Variants in BSPRY observed in about 807,000 individuals in gnomAD.
BSPRY encodes the protein B box and SPRY domain-containing protein.
Under a neutral mutation model 38.0 loss-of-function variants are expected in BSPRY, and 33 were observed. The observed-to-expected ratio is 0.87, with a 90% CI of 0.66 to 1.16. The LOEUF (loss-of-function observed/expected upper bound fraction) is 1.16. BSPRY is among the 50% of genes most tolerant of loss of function. BSPRY has a pLI of 0.00. For missense variants in BSPRY, 523 were observed against 533.2 expected (o/e 0.98, Z 0.19); for synonymous variants, 224 against 228.5 (o/e 0.98, Z 0.18).
chr9:113,360,844 A>G (rs2118918775), intron 3 of BSPRY, 107 bp downstream of exon 3: 2 of 953,844 alleles, frequency 2.1e-6, no homozygotes, highest in East Asian at 5.3e-5. Context: ...GAGAATTTGG[A>G]GCAGGGATGA....
chr9:113,359,788 G>A (rs984339529), intron 2 of BSPRY, among the ~76,000 whole-genome samples: 12 of 151,980 alleles, frequency 7.9e-5, no homozygotes, highest in African/African-American at 2.7e-4. Flanking sequence ...TAATCCCAGC[G>A]CTTTGTGGGG....
At chr9:113,367,484 C>T (rs1022016142) in intron 4 of BSPRY, among the ~76,000 whole-genome samples, 1 of 152,142 alleles carries the variant, frequency 6.6e-6, no homozygotes, top group East Asian at 1.9e-4. Context: ...AGAGGAGTGG[C>T]TGTACCTTCT....
chr9:113,366,490 C>T (rs1168558712), intron 4 of BSPRY, among the ~76,000 whole-genome samples: 8 of 152,204 alleles, frequency 5.3e-5, no homozygotes, highest in South Asian at 2.1e-4. Flanking sequence ...CAGATCCTGC[C>T]GCACCATCTG....
chr9:113,362,176 T>C (rs113265561), intron 3 of BSPRY, among the ~76,000 whole-genome samples, 193 bp from the exon 4 acceptor site: 3 of 72,574 alleles, frequency 4.1e-5, no homozygotes, highest in African/African-American at 1.9e-4. Flanking sequence ...GTGTTATGGG[T>C]GTGTGTGTGT....
At chr9:113,353,042 C>G (rs1364963814) in intron 1 of BSPRY, among the ~76,000 whole-genome samples, 1 of 152,190 alleles carries the variant, frequency 6.6e-6, no homozygotes, top group African/African-American at 2.4e-5. Context: ...AAGGTATGGA[C>G]AGTCAGGCAG....
chr9:113,370,293 T>A lies in BSPRY; in HGVS notation c.*151T>A. The A allele has an allele frequency of 1.1e-6, 1 of 938,342 alleles. No individual in the cohort carries two copies. Among genetic ancestry groups the A allele is most frequent in the Non-Finnish European group, 1.5e-6 (1 of 659,062 alleles). The allele number at this position is 938,342 out of a possible 1,614,324, so 58.1% of individuals were successfully genotyped here. A position where few individuals can be genotyped will look rare whatever the true frequency, so the allele number is the denominator to read the frequency against. On this transcript the variant is annotated 3_prime_UTR_variant, in exon 6 of 6. Coordinates refer to ENST00000374183, the MANE Select transcript of BSPRY (RefSeq NM_017688.3). This position sits in a 1 kb window ranked among gnomAD's most constrained non-coding sequence, Gnocchi z 4.8. ...AGCTTTAGGAGGGATGGGGATCTGTTTCAGATCTAGGCATAACCTGTAAAT... is the reference window on the plus strand; with the variant it reads ...AGCTTTAGGAGGGATGGGGATCTGTATCAGATCTAGGCATAACCTGTAAAT...
intron 2 of BSPRY, among the ~76,000 whole-genome samples, chr9:113,356,689 AGG>A (rs1465566284): frequency 2.6e-5 from 4 of 152,188 alleles, no homozygotes; most frequent in African/African-American, 9.7e-5. Context: ...TATTTTGAAG[AGG>A]CAACAGGATT....
chr9:113,368,588 A>G (rs886600960), intron 5 of BSPRY, among the ~76,000 whole-genome samples: 2 of 152,168 alleles, frequency 1.3e-5, no homozygotes, highest in African/African-American at 2.4e-5. Context: ...CCGGACTAAC[A>G]TGTTCTGTGG....
At chr9:113,358,146 G>A (rs564394110) in intron 2 of BSPRY, among the ~76,000 whole-genome samples, 12 of 150,836 alleles carry the variant, frequency 8.0e-5, no homozygotes, top group African/African-American at 2.9e-4. Context: ...TATTTGGGAG[G>A]GTGAGGTGAG....
intron 2 of BSPRY, among the ~76,000 whole-genome samples, chr9:113,355,804 T>C (rs1460639111): frequency 1.3e-5 from 2 of 151,876 alleles, no homozygotes; most frequent in Admixed American, 6.6e-5. Context: ...TTAGTAGAGA[T>C]GGAGTTTCAC....
chr9:113,359,029 T>TAAAGA (rs1046708073), intron 2 of BSPRY, among the ~76,000 whole-genome samples: 11 of 121,502 alleles, frequency 9.1e-5, no homozygotes, highest in East Asian at 2.2e-4. Context: ...CTGTGTCTCT[T>TAAAGA]AAAGAAAAGA....
At chr9:113,366,942 C>A (rs1834263197) in intron 4 of BSPRY, among the ~76,000 whole-genome samples, 1 of 152,146 alleles carries the variant, frequency 6.6e-6, no homozygotes, top group Non-Finnish European at 1.5e-5. Context: ...GTACTCGGAA[C>A]CACTGCCTGA....
Position 113,360,488 on chromosome 9 carries a change from T to A in BSPRY, c.301-19T>A. ...GGCTTTGCACAGACCACCCAACTCCTCATTTTATCCCTCATTAGAGCATGG... is the reference window on the plus strand; with the variant it reads ...GGCTTTGCACAGACCACCCAACTCCACATTTTATCCCTCATTAGAGCATGG... On this transcript the variant is annotated intron_variant, in intron 2 of 5. Coordinates refer to ENST00000374183, the MANE Select transcript of BSPRY (RefSeq NM_017688.3). 1 of 1,574,558 alleles carries A rather than the reference T, an allele frequency of 6.4e-7. No homozygotes were observed.
In BSPRY at chr9:113,353,564, G is replaced by T. The variant is rs778058900; in HGVS notation, c.202-676G>T. Among the ~76,000 whole-genome samples, 26 of 152,138 alleles carry T rather than the reference G, an allele frequency of 1.7e-4. 1 individual carries two copies. Among genetic ancestry groups the T allele is most frequent in the Middle Eastern group, 6.8e-3 (2 of 294 alleles). On this transcript the variant is annotated intron_variant, in intron 1 of 5. Transcript: ENST00000374183. ...CTAAAAATACAAAAATTAGCTGGGTGTGGTGACACACACCTGTAATCCCAG... is the reference window on the plus strand; with the variant it reads ...CTAAAAATACAAAAATTAGCTGGGTTTGGTGACACACACCTGTAATCCCAG...
Position 113,369,612 on chromosome 9 carries a change from G to T in BSPRY, c.683-4G>T. On this transcript the variant is annotated splice_region_variant and splice_polypyrimidine_tract_variant and intron_variant, in intron 5 of 5. Transcript: ENST00000374183. ...TCGGCAACTCTGAGAATTCTTTCTG[G>T]CAGGCACAGAGGACATACGGATCGA... 6.3e-7 allele frequency: 1 copy of T among 1,596,872 alleles called. No individual in the cohort carries two copies. The highest frequency in any genetic ancestry group is 8.5e-7 in the Non-Finnish European group (1 of 1,169,602).
At chr9:113,364,964 T>A (rs1249953668) in intron 4 of BSPRY, among the ~76,000 whole-genome samples, 2 of 138,884 alleles carry the variant, frequency 1.4e-5, no homozygotes, top group Non-Finnish European at 3.1e-5. Flanking sequence ...TTTTTTTTTT[T>A]AACATTTTTA....
At chr9:113,361,883 G>T (rs2118920578) in intron 3 of BSPRY, among the ~76,000 whole-genome samples, 1 of 152,344 alleles carries the variant, frequency 6.6e-6, no homozygotes, top group East Asian at 1.9e-4. Context: ...AGAGGAAAGA[G>T]AATGTGGAAC....
rs1490999007 is a variant in BSPRY at position 113,369,620 on chromosome 9, A to C, written c.687A>C (p.Thr229=). The change falls in exon 6 of 6, where the codon ACA becomes ACC. Residue 229 remains threonine (T), a synonymous_variant. Coordinates refer to ENST00000374183, the MANE Select transcript of BSPRY (RefSeq NM_017688.3). ...TCTGAGAATTCTTTCTGGCAGGCAC[A>C]GAGGACATACGGATCGATGAGAGGA... is the stretch of plus-strand genomic sequence containing the variant. ...ATAVLGSLSG[T]EDIRIDERTV... is the part of the protein sequence containing the mutation. 1 of 1,606,124 alleles carries C rather than the reference A, an allele frequency of 6.2e-7. No homozygotes were observed. The highest frequency in any genetic ancestry group is 8.5e-7 in the Non-Finnish European group (1 of 1,174,800).
Position 113,369,774 on chromosome 9 carries a change from T to A in BSPRY, c.841T>A (p.Phe281Ile), listed in dbSNP as rs552798374. ...HWPNALAATS[F>I]QNGLHAWMVN... Reference sequence around the variant, plus strand: ...GCCCAATGCCCTGGCTGCCACCTCCTTCCAGAATGGGCTCCATGCCTGGAT... The same window carrying A: ...GCCCAATGCCCTGGCTGCCACCTCCATCCAGAATGGGCTCCATGCCTGGAT... The change falls in exon 6 of 6, where the codon TTC (phenylalanine) becomes ATC (isoleucine). Residue 281 changes from phenylalanine to isoleucine, a missense_variant. Physicochemically the swap from Phe to Ile is conservative, Grantham distance 21. Transcript: ENST00000374183. 1 of 1,614,106 alleles carries A rather than the reference T, an allele frequency of 6.2e-7. No individual in the cohort carries two copies. The highest frequency in any genetic ancestry group is 8.5e-7 in the Non-Finnish European group (1 of 1,180,044).
Sources: gnomAD v4.1 joint callset for allele counts (sites outside exome capture counted in the v4.1 genomes callset) on GRCh38, gnomAD v4.1.1 for gene constraint, Gnocchi (gnomAD v3.1) non-coding constraint, MANE v1.5 for transcripts, NCBI Gene and HGNC (gene_info 2026-07-23, HGNC 2026-07-21) for gene names.